Variants in STRIP1 observed in about 807,000 individuals in gnomAD.
The protein encoded by STRIP1 is striatin interacting protein 1, also known as striatin-interacting protein 1.
STRIP1 carries 63 observed loss-of-function variants against 106.2 expected under a neutral mutation model. The ratio of observed to expected loss-of-function variants is 0.59; its 90% CI spans 0.48 to 0.73. The LOEUF (loss-of-function observed/expected upper bound fraction) is 0.73. Among genes scored for constraint, STRIP1 ranks in the 30% least tolerant of loss-of-function variants. The pLI, the probability that STRIP1 is intolerant of heterozygous loss-of-function variation, is 0.00. For synonymous variants in STRIP1, 390 were observed against 413.0 expected (o/e 0.94, Z 0.67); for missense variants, 857 against 1,074.8 (o/e 0.80, Z 2.83).
At chr1:110,046,886 C>T (rs1653049158) in intron 13 of STRIP1, 135 bp downstream of exon 13, 1 of 554,562 alleles carries the variant, frequency 1.8e-6, no homozygotes, top group Non-Finnish European at 3.1e-6. Context: ...CCCGTCTCTA[C>T]TAAAAAAAAA....
chr1:110,034,851 G>A, intron 1 of STRIP1, 34 bp downstream of exon 1: 1 of 1,375,106 alleles, frequency 7.3e-7, no homozygotes, highest in Non-Finnish European at 9.4e-7. Flanking sequence ...CTCGCACCGG[G>A]TCGGGCGGCG....
At chr1:110,051,926 G>T (rs367908515) in intron 20 of STRIP1, 39 bp downstream of exon 20, 11 of 1,600,464 alleles carry the variant, frequency 6.9e-6, no homozygotes, top group Non-Finnish European at 9.4e-6. Context: ...GTGGGAGTGT[G>T]TCGGGAAAAG....
intron 2 of STRIP1, chr1:110,038,375 T>A (rs1391867827): frequency 1.5e-5 from 5 of 342,344 alleles, no homozygotes; most frequent in Non-Finnish European, 2.7e-5. Flanking sequence ...ACAATACACA[T>A]CCTGCTCAAG....
chr1:110,039,771 G>A, intron 5 of STRIP1: 1 of 1,293,944 alleles, frequency 7.7e-7, no homozygotes, highest in Non-Finnish European at 1.0e-6. Context: ...CCCAGGCCTG[G>A]GGTGCTCCTC....
chr1:110,040,431 C>T (rs1652701893), intron 5 of STRIP1, among the ~76,000 whole-genome samples: 2 of 152,256 alleles, frequency 1.3e-5, no homozygotes, highest in South Asian at 4.1e-4. Flanking sequence ...ATCCACCCGC[C>T]TCGGCCTCCC....
At chr1:110,047,713 A>G (rs1425116347) in intron 14 of STRIP1, 59 bp from the exon 15 acceptor site, 1 of 1,539,072 alleles carries the variant, frequency 6.5e-7, no homozygotes, top group Non-Finnish European at 8.8e-7. Context: ...AGGACTGCTC[A>G]GAGCTTAATT....
intron 6 of STRIP1, 21 bp from the exon 7 acceptor site, chr1:110,041,515 T>G: frequency 1.5e-5 from 24 of 1,598,452 alleles, no homozygotes; most frequent in Non-Finnish European, 2.0e-5. Flanking sequence ...CACTCCATTG[T>G]GAGCTGGCTC....
Position 110,045,063 on chromosome 1 carries a change from C to T in STRIP1, c.1401C>T (p.Ile467=). The T allele has an allele frequency of 6.2e-7, 1 of 1,614,046 alleles. No individual in the cohort carries two copies. The highest frequency in any genetic ancestry group is 8.5e-7 in the Non-Finnish European group (1 of 1,179,988). ...VGLPRPIHES[I]KTLKQHKYTS... is the part of the protein sequence containing the mutation. ...TGCCCAGGCCAATCCACGAAAGCAT[C>T]AAGACTCTGAAACAGGTGAGTGGCT... The change falls in exon 12 of 21, where the codon ATC becomes ATT. Residue 467 remains isoleucine (I), a synonymous_variant. Transcript: ENST00000369795.
Position 110,050,412 on chromosome 1 carries a change from G to A in STRIP1, c.1956+3G>A. 6.2e-7 allele frequency: 1 copy of A among 1,614,126 alleles called. No homozygotes were observed. Among genetic ancestry groups the A allele is most frequent in the Non-Finnish European group, 8.5e-7 (1 of 1,179,970 alleles). ...CAGAGCTGACGGCGGAGAGTTTGGT[G>A]AGTGGCTGGGCTCTCCTCAGCTGTC... On this transcript the variant is annotated splice_donor_region_variant and intron_variant, in intron 18 of 20. Coordinates refer to ENST00000369795, the MANE Select transcript of STRIP1 (RefSeq NM_033088.4).
intron 2 of STRIP1, chr1:110,038,294 G>A (rs1652592028): frequency 9.9e-6 from 2 of 202,156 alleles, no homozygotes; most frequent in Admixed American, 1.1e-4. Context: ...GCCTGCATCT[G>A]TGCCCATCTG....
At chr1:110,036,244 G>A (rs914748941) in intron 1 of STRIP1, among the ~76,000 whole-genome samples, 2 of 152,208 alleles carry the variant, frequency 1.3e-5, no homozygotes, top group African/African-American at 4.8e-5. Flanking sequence ...CCTGAGGTCA[G>A]GAGTTCCTGT....
At position 110,053,622 on chromosome 1, in the gene STRIP1, C is replaced by T. The variant is rs1005780050; in HGVS notation, c.2267-43C>T. Reference sequence around the variant, plus strand: ...CCAGTGAATCCATGGGGAGCTGCTACAGGGCATGGCTCCTAACGGTGTTTC... The same window carrying T: ...CCAGTGAATCCATGGGGAGCTGCTATAGGGCATGGCTCCTAACGGTGTTTC... On this transcript the variant is annotated intron_variant, in intron 20 of 20. Coordinates refer to ENST00000369795, the MANE Select transcript of STRIP1 (RefSeq NM_033088.4). 4 of 1,604,664 alleles carry T rather than the reference C, an allele frequency of 2.5e-6. No homozygotes were observed. In the East Asian group the frequency reaches 6.7e-5, roughly 27 times the overall value.
Position 110,050,939 on chromosome 1 carries a change from C to G in STRIP1, c.1957-17C>G. The G allele has an allele frequency of 2.0e-6, 3 of 1,477,916 alleles. No homozygotes were observed. Among genetic ancestry groups the G allele is most frequent in the Non-Finnish European group, 1.9e-6 (2 of 1,055,986 alleles). 91.6% of individuals were successfully genotyped at this position (1,477,916 alleles called of 1,614,324 possible). On this transcript the variant is annotated splice_polypyrimidine_tract_variant and intron_variant, in intron 18 of 20. Coordinates refer to ENST00000369795, the MANE Select transcript of STRIP1 (RefSeq NM_033088.4). ...CTGCAGCCATGAGGGCTGATTGTTC[C>G]TGGGTTTACCCTGCAGGAAGCAGGT... is the stretch of plus-strand genomic sequence containing the variant.
At chr1:110,035,257 A>AGGAAGGCGCGTGTGGGCAG (rs1553192878) in intron 1 of STRIP1, among the ~76,000 whole-genome samples, 1 of 152,164 alleles carries the variant, frequency 6.6e-6, no homozygotes, top group Non-Finnish European at 1.5e-5. Context: ...CCGCTCGCAG[A>AGGAAGGCGCGTGTGGGCAG]GGAAGGCGCG....
intron 6 of STRIP1, 182 bp from the exon 7 acceptor site, chr1:110,041,354 G>GTTT: frequency 1.8e-6 from 1 of 559,332 alleles, no homozygotes; most frequent in Non-Finnish European, 3.2e-6. Flanking sequence ...CACCTCTGTG[G>GTTT]TTTTTTTCTT....
chr1:110,045,189 G>C, intron 12 of STRIP1, 111 bp downstream of exon 12: 1 of 935,400 alleles, frequency 1.1e-6, no homozygotes, highest in Non-Finnish European at 1.7e-6. Context: ...AGAACCTGGG[G>C]TAGAGGCCGG....
chr1:110,051,621 C>T (rs1054337848), intron 19 of STRIP1, 62 bp from the exon 20 acceptor site: 1 of 1,484,414 alleles, frequency 6.7e-7, no homozygotes, highest in East Asian at 2.5e-5. Flanking sequence ...AGCAGTGTGA[C>T]CTGGGATGTA....
chr1:110,034,607 C>A, upstream of STRIP1: 2 of 1,479,544 alleles, frequency 1.4e-6, no homozygotes, highest in South Asian at 1.3e-5. Context: ...CGGCTGTGCG[C>A]GAGTTAAGCT....
chr1:110,036,567 G>C (rs1468844831), intron 1 of STRIP1, among the ~76,000 whole-genome samples: 2 of 152,160 alleles, frequency 1.3e-5, no homozygotes, highest in East Asian at 3.8e-4. Context: ...CTGATGCCAT[G>C]ATCTTTCTTT....
Sources: allele counts gnomAD v4.1 joint callset (sites outside exome capture counted in the v4.1 genomes callset), GRCh38; gene constraint gnomAD v4.1.1; transcripts MANE v1.5; gene names NCBI Gene and HGNC (gene_info 2026-07-23, HGNC 2026-07-21).